DNM3: variants seen among roughly 807,000 people sequenced by gnomAD.
DNM3 encodes the protein dynamin-3.
A neutral mutation model predicts 101.6 loss-of-function variants in DNM3; 47 were observed. That is an observed-to-expected ratio of 0.46 (90% CI 0.37 to 0.59). The LOEUF is 0.59. DNM3 is among the 20% of genes least tolerant of loss of function. DNM3 has a pLI of 0.00. For missense variants in DNM3, 849 were observed against 1,085.7 expected (o/e 0.78, Z 3.06); for synonymous variants, 385 against 387.9 (o/e 0.99, Z 0.09).
chr1:172,305,986 C>CT (rs2064790715), intron 15 of DNM3, among the ~76,000 whole-genome samples: 1 of 152,182 alleles, frequency 6.6e-6, no homozygotes, highest in South Asian at 2.1e-4. Flanking sequence ...CAGGGATGCC[C>CT]TCTCTCACCA....
intron 17 of DNM3, among the ~76,000 whole-genome samples, chr1:172,329,281 G>A (rs1031453114): frequency 6.6e-6 from 1 of 151,840 alleles, no homozygotes; most frequent in Non-Finnish European, 1.5e-5. Flanking sequence ...TTGAATGTCT[G>A]GTAAAATACA....
At chr1:171,874,109 A>C (rs12145171) in intron 1 of DNM3, among the ~76,000 whole-genome samples, 65,428 of 151,930 alleles carry the variant, frequency 0.43, 14,212 homozygotes, top group African/African-American at 0.45. Context: ...AAGTTTTTTC[A>C]ATTCCTAATT....
In DNM3 at chr1:172,345,994, G is replaced by T. The variant is rs554358837; in HGVS notation, c.1893+22654G>T. On this transcript the variant is annotated intron_variant, in intron 17 of 20. Coordinates refer to ENST00000627582, the MANE Select transcript of DNM3 (RefSeq NM_015569.5). ...AAATTAGCCGGGCGTGCTTGTGGGC[G>T]TGGTTGTAGTCCCAGTTACTCAGGA... Among the ~76,000 whole-genome samples, 9 of 152,058 alleles carry T rather than the reference G, an allele frequency of 5.9e-5. No homozygotes were observed. The East Asian group carries it at 1.7e-3, about 29-fold the overall frequency.
At chr1:172,371,517 C>T (rs904509533) in intron 17 of DNM3, among the ~76,000 whole-genome samples, 3 of 151,918 alleles carry the variant, frequency 2.0e-5, no homozygotes, top group African/African-American at 7.2e-5. Flanking sequence ...TTTTTGAGCA[C>T]TACTATATGT....
chr1:172,247,387 A>G (rs991465723), intron 14 of DNM3, among the ~76,000 whole-genome samples: 2 of 152,132 alleles, frequency 1.3e-5, no homozygotes, highest in Admixed American at 6.6e-5. Context: ...AAAACTAGGA[A>G]TCTTTGTTCT....
chr1:172,293,702 C>T (rs1163355032), intron 15 of DNM3, among the ~76,000 whole-genome samples: 6 of 152,076 alleles, frequency 3.9e-5, no homozygotes, highest in Non-Finnish European at 5.9e-5. Flanking sequence ...GATGAGGCTT[C>T]GAAAATGGGT....
intron 16 of DNM3, among the ~76,000 whole-genome samples, chr1:172,319,898 G>T (rs370042059): frequency 6.6e-6 from 1 of 151,882 alleles, no homozygotes; most frequent in African/African-American, 2.4e-5. Flanking sequence ...ACCCAAAGGA[G>T]TATAAATCAT....
At chr1:172,340,322 C>T (rs1429817971) in intron 17 of DNM3, among the ~76,000 whole-genome samples, 2 of 152,204 alleles carry the variant, frequency 1.3e-5, no homozygotes, top group East Asian at 3.8e-4. Flanking sequence ...ACAGCCTCTA[C>T]TCCATGGAAG....
intron 1 of DNM3, among the ~76,000 whole-genome samples, chr1:171,854,979 C>A (rs1571260473): frequency 1.3e-5 from 2 of 152,144 alleles, no homozygotes; most frequent in East Asian, 3.9e-4. Context: ...TTTCTTCACC[C>A]AGGTACTAAA....
At chr1:171,845,999 G>A (rs1172956735) in intron 1 of DNM3, among the ~76,000 whole-genome samples, 1 of 152,144 alleles carries the variant, frequency 6.6e-6, no homozygotes, top group Non-Finnish European at 1.5e-5. Context: ...TTTTTAAAAA[G>A]TGATTATGCT....
chr1:171,980,847 T>G (rs1041435003), intron 2 of DNM3, among the ~76,000 whole-genome samples: 1 of 149,244 alleles, frequency 6.7e-6, no homozygotes, highest in African/African-American at 2.5e-5. Flanking sequence ...CTAGGCTCAC[T>G]GCAACCTCCA....
At chr1:171,947,903 A>C (rs2042263112) in intron 2 of DNM3, among the ~76,000 whole-genome samples, 1 of 152,200 alleles carries the variant, frequency 6.6e-6, no homozygotes, top group South Asian at 2.1e-4. Flanking sequence ...TGTTACAGAG[A>C]TCAATCTCTA....
At chr1:172,318,492 T>C (rs1004404647) in intron 16 of DNM3, among the ~76,000 whole-genome samples, 2 of 152,262 alleles carry the variant, frequency 1.3e-5, no homozygotes, top group Admixed American at 6.5e-5. Context: ...AAAACCCCAT[T>C]GTCTCAGCCC....
At chr1:172,133,896 G>T (rs1190354419) in intron 14 of DNM3, among the ~76,000 whole-genome samples, 1 of 152,164 alleles carries the variant, frequency 6.6e-6, no homozygotes, top group Non-Finnish European at 1.5e-5. Context: ...GTAGATGGGG[G>T]CCTTATCAGT....
chr1:172,217,572 T>G (rs2060749788), intron 14 of DNM3, among the ~76,000 whole-genome samples: 1 of 152,168 alleles, frequency 6.6e-6, no homozygotes, highest in African/African-American at 2.4e-5. Context: ...CCACTGCCTC[T>G]TATTCGATCA....
chr1:172,069,037 T>A (rs750075683), intron 11 of DNM3, 132 bp downstream of exon 11: 29 of 649,270 alleles, frequency 4.5e-5, no homozygotes, highest in Admixed American at 9.0e-5. Context: ...AACTACATTA[T>A]GTTTATTTTT....
intron 1 of DNM3, among the ~76,000 whole-genome samples, chr1:171,890,589 C>T (rs2037180113): frequency 1.3e-5 from 2 of 152,172 alleles, no homozygotes; most frequent in South Asian, 2.1e-4. Context: ...TTATAACCAA[C>T]TTCCACTGGG....
At chr1:172,107,592 C>T (rs2055155779) in intron 13 of DNM3, among the ~76,000 whole-genome samples, 1 of 152,128 alleles carries the variant, frequency 6.6e-6, no homozygotes, top group African/African-American at 2.4e-5. Context: ...AAAGGTGTCA[C>T]GAGATCTTTT....
intron 14 of DNM3, among the ~76,000 whole-genome samples, chr1:172,236,907 T>C (rs1343547113): frequency 6.6e-6 from 1 of 152,106 alleles, no homozygotes. Context: ...CCTTGGAACC[T>C]TTGTCTACAG....
Sources: allele counts gnomAD v4.1 joint callset (sites outside exome capture counted in the v4.1 genomes callset), GRCh38; gene constraint gnomAD v4.1.1; transcripts MANE v1.5; gene names NCBI Gene and HGNC (gene_info 2026-07-23, HGNC 2026-07-21).